CXADR: variants seen among roughly 807,000 people sequenced by gnomAD.
CXADR encodes the protein coxsackievirus and adenovirus receptor.
In CXADR, 20 loss-of-function variants were observed where a neutral mutation model predicts 40.3. The ratio of observed to expected loss-of-function variants is 0.50; its 90% CI spans 0.35 to 0.72. The LOEUF is 0.72. Among genes scored for constraint, CXADR ranks in the 30% least tolerant of loss-of-function variants. The probability of loss-of-function intolerance (pLI) is 0.01; values close to 1 mark genes in which losing one functional copy is unlikely to be tolerated. For synonymous variants in CXADR, 150 were observed against 161.3 expected (o/e 0.93, Z 0.53); for missense variants, 332 against 449.1 (o/e 0.74, Z 2.36).
At chr21:17,602,435 T>A in the CXADR span, among the ~76,000 whole-genome samples, 31 of 152,178 alleles carry the variant, frequency 2.0e-4, no homozygotes, top group African/African-American at 6.3e-4. Context: ...ATTTGATCAA[T>A]TGTATACTTG....
downstream of CXADR, among the ~76,000 whole-genome samples, chr21:17,574,723 T>C (rs2061306066): frequency 6.6e-6 from 1 of 152,136 alleles, no homozygotes; most frequent in Non-Finnish European, 1.5e-5. Context: ...GTAAAGGTAG[T>C]GATCAGAGCG....
chr21:17,599,400 A>T, the CXADR span, among the ~76,000 whole-genome samples: 1 of 152,056 alleles, frequency 6.6e-6, no homozygotes, highest in South Asian at 2.1e-4. Context: ...GGCTGGTCCC[A>T]AACTCCTAGG....
chr21:17,592,198 T>C (rs1417810707), intron 7 of CXADR, among the ~76,000 whole-genome samples: 2 of 151,934 alleles, frequency 1.3e-5, no homozygotes, highest in Non-Finnish European at 2.9e-5. Context: ...TTTACACTAT[T>C]ATGCTTCTGA....
At chr21:17,518,946 C>T in intron 1 of CXADR, 3 of 1,608,592 alleles carry the variant, frequency 1.9e-6, no homozygotes, top group Non-Finnish European at 1.7e-6. Flanking sequence ...TACCCTTGCC[C>T]CCTATCCGGA....
At chr21:17,537,426 C>T (rs2060772854) in intron 1 of CXADR, among the ~76,000 whole-genome samples, 1 of 152,220 alleles carries the variant, frequency 6.6e-6, no homozygotes, top group East Asian at 1.9e-4. Context: ...CTCCAGGCAT[C>T]CAGACTTGCC....
At chr21:17,562,350 C>CACTCTCT (rs2061135311) in intron 6 of CXADR, among the ~76,000 whole-genome samples, 1 of 152,138 alleles carries the variant, frequency 6.6e-6, no homozygotes, top group Non-Finnish European at 1.5e-5. Flanking sequence ...GACAAGGTCT[C>CACTCTCT]GCTCTCTGTT....
intron 7 of CXADR, among the ~76,000 whole-genome samples, chr21:17,590,180 CA>C (rs1355442494): frequency 6.6e-6 from 1 of 151,182 alleles, no homozygotes; most frequent in African/African-American, 2.4e-5. Context: ...CAAAGTCTCC[CA>C]TGATTATGTT....
chr21:17,581,078 C>T (rs567302570), intron 7 of CXADR, among the ~76,000 whole-genome samples: 8 of 152,214 alleles, frequency 5.3e-5, no homozygotes, highest in Non-Finnish European at 1.0e-4. Flanking sequence ...TTAACAATTG[C>T]TCTCAGGTCA....
chr21:17,600,502 G>A, the CXADR span, among the ~76,000 whole-genome samples: 1 of 152,044 alleles, frequency 6.6e-6, no homozygotes, highest in Non-Finnish European at 1.5e-5. Flanking sequence ...TAAAGTAAAA[G>A]GCTTAACTGC....
the CXADR span, among the ~76,000 whole-genome samples, chr21:17,601,037 C>A: frequency 6.6e-6 from 1 of 152,130 alleles, no homozygotes; most frequent in South Asian, 2.1e-4. Context: ...GTGGTGTGCG[C>A]CTGTAATCCC....
chr21:17,569,796 T>C lies in CXADR; in HGVS notation c.*4104T>C. 3 of 985,406 alleles carry C rather than the reference T, an allele frequency of 3.0e-6. No homozygotes were observed. The highest frequency in any genetic ancestry group is 4.7e-5 in the South Asian group (1 of 21,288). The allele number at this position is 985,406 out of a possible 1,614,324, so 61.0% of individuals were successfully genotyped here. ...TCCATCAAAACAGAACTTTGTGTTT[T>C]CTGCTAACTTATTTAATGACACAAG... is the stretch of plus-strand genomic sequence containing the variant. On this transcript the variant is annotated 3_prime_UTR_variant, in exon 7 of 7. Coordinates refer to ENST00000284878, the MANE Select transcript of CXADR (RefSeq NM_001338.5).
chr21:17,549,786 A>G (rs771292284), intron 2 of CXADR, among the ~76,000 whole-genome samples: 31 of 152,222 alleles, frequency 2.0e-4, no homozygotes, highest in Non-Finnish European at 4.1e-4. Context: ...TATTGGAAGT[A>G]TAAGAGATTG....
rs765760334 is a variant in CXADR at position 17,559,115 on chromosome 21, C to G, written c.555C>G (p.Pro185=). The change falls in exon 4 of 7, where the codon CCC becomes CCG. Residue 185 remains proline (P), a synonymous_variant. Coordinates refer to ENST00000284878, the MANE Select transcript of CXADR (RefSeq NM_001338.5). ...AATTGTCTGACTCACAGAAAATGCC[C>G]ACTTCATGGTTAGCAGGTACTGCTG... The part of the protein sequence containing the change: ...WQKLSDSQKM[P]TSWLAEMTSS... The G allele has an allele frequency of 6.2e-7, 1 of 1,614,000 alleles. No individual in the cohort carries two copies. The highest frequency in any genetic ancestry group is 8.5e-7 in the Non-Finnish European group (1 of 1,179,968).
intron 1 of CXADR, among the ~76,000 whole-genome samples, chr21:17,541,595 C>T (rs939800665): frequency 6.8e-6 from 1 of 147,072 alleles, no homozygotes; most frequent in Middle Eastern, 3.4e-3. Flanking sequence ...TCTCCTCTTC[C>T]CTCTTTCCCC....
At chr21:17,553,257 C>T (rs1442855328) in intron 3 of CXADR, among the ~76,000 whole-genome samples, 2 of 152,186 alleles carry the variant, frequency 1.3e-5, no homozygotes, top group Admixed American at 6.5e-5. Context: ...CACTTAACTA[C>T]TCCTCCTACA....
downstream of CXADR, chr21:17,593,607 T>C (rs190677133): frequency 1.0e-4 from 17 of 161,928 alleles, no homozygotes; most frequent in African/African-American, 3.6e-4. Flanking sequence ...TGAAGGGAAA[T>C]ACCCGTTCTT....
chr21:17,530,720 A>G (rs1023079319), intron 1 of CXADR, among the ~76,000 whole-genome samples: 1 of 152,166 alleles, frequency 6.6e-6, no homozygotes, highest in Non-Finnish European at 1.5e-5. Context: ...AGGCTGAGGC[A>G]GGAGAATCAC....
At chr21:17,604,825 G>T in the CXADR span, 1 of 1,594,714 alleles carries the variant, frequency 6.3e-7, no homozygotes. Context: ...GTTCCAGCAT[G>T]GTCATCAGTT....
chr21:17,558,326 C>T (rs992258937), intron 3 of CXADR, among the ~76,000 whole-genome samples: 3 of 152,012 alleles, frequency 2.0e-5, no homozygotes, highest in African/African-American at 7.2e-5. Context: ...GACAGAGTCT[C>T]GCTATGTTAC....
Sources: gnomAD v4.1 joint callset for allele counts (sites outside exome capture counted in the v4.1 genomes callset) on GRCh38, gnomAD v4.1.1 for gene constraint, MANE v1.5 for transcripts, NCBI Gene and HGNC (gene_info 2026-07-23, HGNC 2026-07-21) for gene names.